Variants in PCSK6 observed in about 807,000 individuals in gnomAD.
The protein encoded by PCSK6 is paired basic amino acid cleaving enzyme 4.
A neutral mutation model predicts 123.3 loss-of-function variants in PCSK6; 85 were observed. The ratio of observed to expected loss-of-function variants is 0.69; its 90% CI spans 0.58 to 0.83. The LOEUF (loss-of-function observed/expected upper bound fraction) is 0.83, where lower values mean the gene tolerates loss of function less well. PCSK6 is among the 40% of genes least tolerant of loss of function. PCSK6 has a pLI of 0.00. For missense variants in PCSK6, 1,191 were observed against 1,282.3 expected (o/e 0.93, Z 1.09); for synonymous variants, 508 against 516.0 (o/e 0.98, Z 0.21).
intron 6 of PCSK6, among the ~76,000 whole-genome samples, chr15:101,411,619 C>T (rs2141621804): frequency 6.6e-6 from 1 of 152,284 alleles, no homozygotes; most frequent in South Asian, 2.1e-4. Context: ...TGAACAAGAA[C>T]AGAGGGACCC....
intron 6 of PCSK6, among the ~76,000 whole-genome samples, chr15:101,415,385 G>A (rs2055853248): frequency 2.6e-5 from 4 of 152,220 alleles, no homozygotes; most frequent in Admixed American, 2.6e-4. Context: ...TGCCATTAAG[G>A]AATGAGGGCC....
At chr15:101,377,363 C>A (rs149907651) in intron 11 of PCSK6, among the ~76,000 whole-genome samples, 3 of 152,156 alleles carry the variant, frequency 2.0e-5, no homozygotes, top group African/African-American at 7.2e-5. Context: ...GGCTCAGTAC[C>A]GCCTGAGCTC....
At chr15:101,438,362 C>G (rs1190926711) in intron 2 of PCSK6, among the ~76,000 whole-genome samples, 1 of 152,200 alleles carries the variant, frequency 6.6e-6, no homozygotes, top group East Asian at 1.9e-4. Context: ...AAAGTATTTA[C>G]ATAGAAAGAA....
intron 20 of PCSK6, 155 bp downstream of exon 20, chr15:101,313,221 G>C: frequency 3.9e-6 from 6 of 1,542,994 alleles, no homozygotes; most frequent in Non-Finnish European, 5.3e-6. Flanking sequence ...AAGGGACGAA[G>C]GCCCCTCAGC....
At chr15:101,484,509 C>T (rs564951275) in intron 1 of PCSK6, among the ~76,000 whole-genome samples, 2 of 152,214 alleles carry the variant, frequency 1.3e-5, no homozygotes, top group South Asian at 2.1e-4. Flanking sequence ...CTGCCTCAGC[C>T]TCCTGAGTAG....
chr15:101,434,094 A>G (rs1293098551), intron 2 of PCSK6, among the ~76,000 whole-genome samples: 1 of 152,228 alleles, frequency 6.6e-6, no homozygotes, highest in African/African-American at 2.4e-5. Flanking sequence ...TGTTCCTAAC[A>G]CCGGCTGATG....
At chr15:101,477,697 T>C (rs73485019) in intron 1 of PCSK6, among the ~76,000 whole-genome samples, 6,451 of 152,326 alleles carry the variant, frequency 0.042, 299 homozygotes, top group African/African-American at 0.11. Context: ...AACAGTCTTA[T>C]AACCAGGCCA....
At chr15:101,412,625 T>C (rs1040654640) in intron 6 of PCSK6, among the ~76,000 whole-genome samples, 4 of 145,148 alleles carry the variant, frequency 2.8e-5, no homozygotes, top group African/African-American at 1.0e-4. Flanking sequence ...AATACAATAA[T>C]CAAAAAGCTC....
At chr15:101,311,661 C>CA (rs536274091) in intron 20 of PCSK6, among the ~76,000 whole-genome samples, 1,552 of 66,664 alleles carry the variant, frequency 0.023, 11 homozygotes, top group Middle Eastern at 0.051. Flanking sequence ...CCCATCGTCA[C>CA]CCCTCACAGC....
intron 15 of PCSK6, among the ~76,000 whole-genome samples, chr15:101,329,328 T>C (rs2040326532): frequency 6.6e-6 from 1 of 152,218 alleles, no homozygotes; most frequent in Non-Finnish European, 1.5e-5. Context: ...CAGGAGAGTT[T>C]GGTATCACCA....
chr15:101,313,451 C>T lies in PCSK6; in HGVS notation c.2624G>A (p.Trp875Ter). The change falls in exon 20 of 22, where the codon TGG (tryptophan) becomes TAG (stop). Residue 875 changes from tryptophan (W) to a stop codon, truncating the protein, a stop_gained. Coordinates refer to ENST00000611716, the MANE Select transcript of PCSK6 (RefSeq NM_002570.5). LOFTEE classifies it high-confidence loss of function. ...HCAKNFHFHDWKCVPACGEGF... is the reference protein window; with the variant it reads ...HCAKNFHFHD ...CTCACCACAGGCTGGCACACACTTCCAGTCGTGGAAGTGGAAGTTTTTCGC... is the reference window on the plus strand; with the variant it reads ...CTCACCACAGGCTGGCACACACTTCTAGTCGTGGAAGTGGAAGTTTTTCGC... 1 of 1,612,096 alleles carries T rather than the reference C, an allele frequency of 6.2e-7. No individual in the cohort carries two copies. The highest frequency in any genetic ancestry group is 1.1e-5 in the South Asian group (1 of 91,082).
intron 6 of PCSK6, among the ~76,000 whole-genome samples, chr15:101,420,016 G>A (rs116696655): frequency 0.025 from 3,855 of 151,798 alleles, 162 homozygotes; most frequent in African/African-American, 0.087. Context: ...GTGAAACACC[G>A]TCTTTACATA....
intron 1 of PCSK6, among the ~76,000 whole-genome samples, chr15:101,458,681 G>T (rs2057257197): frequency 6.6e-6 from 1 of 152,090 alleles, no homozygotes; most frequent in African/African-American, 2.4e-5. Flanking sequence ...TTGGCTCCTC[G>T]CTCCTTCCGA....
At chr15:101,480,644 T>G (rs541487752) in intron 1 of PCSK6, among the ~76,000 whole-genome samples, 1 of 152,226 alleles carries the variant, frequency 6.6e-6, no homozygotes, top group East Asian at 1.9e-4. Flanking sequence ...AACCACAGCT[T>G]GATGGGATGA....
chr15:101,402,657 G>C lies in PCSK6; in HGVS notation c.824-4081C>G, dbSNP rs1396438191. On this transcript the variant is annotated intron_variant, in intron 6 of 21. Coordinates refer to ENST00000611716, the MANE Select transcript of PCSK6 (RefSeq NM_002570.5). ...AAAGAAGACATTTATGCAGCCAAAA[G>C]ACACATGAAAAAATGCTCATCATCA... is the stretch of plus-strand genomic sequence containing the variant. 4.6e-5 allele frequency among the ~76,000 whole-genome samples: 7 copies of C among 152,270 alleles called. No individual in the cohort carries two copies. In the East Asian group the frequency reaches 1.2e-3, roughly 25 times the overall value.
At chr15:101,405,760 T>C (rs946638448) in intron 6 of PCSK6, among the ~76,000 whole-genome samples, 1 of 152,046 alleles carries the variant, frequency 6.6e-6, no homozygotes, top group Non-Finnish European at 1.5e-5. Context: ...AATTTTTTTT[T>C]TCAGACAGAG....
At chr15:101,370,162 G>A (rs564977317) in intron 12 of PCSK6, among the ~76,000 whole-genome samples, 173 bp downstream of exon 12, 24 of 152,144 alleles carry the variant, frequency 1.6e-4, no homozygotes, top group Non-Finnish European at 3.1e-4. Flanking sequence ...AAGGTTTTTG[G>A]GGCCTACATG....
intron 2 of PCSK6, among the ~76,000 whole-genome samples, chr15:101,440,490 T>C (rs931146730): frequency 3.9e-5 from 6 of 152,202 alleles, no homozygotes; most frequent in African/African-American, 1.4e-4. Flanking sequence ...TGACATGGGG[T>C]GGACTGTACA....
At chr15:101,376,438 T>C (rs893909957) in intron 11 of PCSK6, among the ~76,000 whole-genome samples, 3 of 152,200 alleles carry the variant, frequency 2.0e-5, no homozygotes, top group Non-Finnish European at 4.4e-5. Flanking sequence ...CTAAAGTGAA[T>C]GAACCAATGA....
Sources: gnomAD v4.1 joint callset for allele counts (sites outside exome capture counted in the v4.1 genomes callset) on GRCh38, gnomAD v4.1.1 for gene constraint, MANE v1.5 for transcripts, NCBI Gene and HGNC (gene_info 2026-07-23, HGNC 2026-07-21) for gene names.